The following ARHGAP6 variants were observed in gnomAD, a reference collection of about 807,000 sequenced individuals.
ARHGAP6 encodes the protein Rho GTPase activating protein 6, also known as rho GTPase-activating protein 6.
A neutral mutation model predicts 55.7 loss-of-function variants in ARHGAP6; 16 were observed. That is an observed-to-expected ratio of 0.29 (90% confidence interval 0.19 to 0.44). The LOEUF (loss-of-function observed/expected upper bound fraction) is 0.44. Ranked by LOEUF, ARHGAP6 falls within the 20% of genes least tolerant of loss-of-function variation. ARHGAP6 has a pLI of 1.00. For missense variants in ARHGAP6, 698 were observed against 808.9 expected (o/e 0.86, Z 1.66); for synonymous variants, 382 against 360.9 (o/e 1.06, Z -0.66).
chrX:11,664,589 C>G lies in ARHGAP6; in HGVS notation c.240G>C (p.Ala80=). 8.5e-7 allele frequency: 1 copy of G among 1,178,281 alleles called. No homozygotes were observed. ...LPAESLGPRL[A]SSSRGPPPRA... Reference sequence around the variant, plus strand: ...TGGGGGGCGGACCCCGGGAAGAGGACGCCAAGCGAGGGCCGAGACTCTCGG... The same window carrying G: ...TGGGGGGCGGACCCCGGGAAGAGGAGGCCAAGCGAGGGCCGAGACTCTCGG... Residue 80 remains alanine, a synonymous_variant, in exon 1 of 13, where the codon GCG becomes GCC. Transcript: ENST00000337414.
At chrX:11,470,930 T>A (rs2050341239) in intron 1 of ARHGAP6, among the ~76,000 whole-genome samples, 1 of 112,096 alleles carries the variant, frequency 8.9e-6, no homozygotes, top group Admixed American at 9.5e-5. Context: ...AACAGCAATG[T>A]GGCTTTACTT....
chrX:11,557,165 C>G (rs1171501963), intron 1 of ARHGAP6, among the ~76,000 whole-genome samples: 1 of 112,083 alleles, frequency 8.9e-6, no homozygotes, highest in Non-Finnish European at 1.9e-5. Flanking sequence ...GAAGGTAATA[C>G]CTGGTATTCA....
chrX:11,458,387 C>T lies in ARHGAP6; in HGVS notation c.589-203680G>A, dbSNP rs960219791. Among the ~76,000 whole-genome samples the T allele has an allele frequency of 2.7e-5, 3 of 112,275 alleles. No homozygotes were observed. The East Asian group carries it at 8.4e-4, about 31-fold the overall frequency. ...TTGGCTTGGCATAAGCCAGTGGATC[C>T]AAAATCCAGTGCATGTAAACACACA... On this transcript the variant is annotated intron_variant, in intron 1 of 12. Coordinates refer to ENST00000337414, the MANE Select transcript of ARHGAP6 (RefSeq NM_013427.3).
At chrX:11,240,346 T>C (rs2047258626) in intron 2 of ARHGAP6, among the ~76,000 whole-genome samples, 1 of 111,657 alleles carries the variant, frequency 9.0e-6, no homozygotes, top group African/African-American at 3.3e-5. Flanking sequence ...AAAAGAGGAA[T>C]AGTAATCTAG....
intron 1 of ARHGAP6, among the ~76,000 whole-genome samples, chrX:11,613,136 C>T (rs1206573435): frequency 8.9e-6 from 1 of 112,056 alleles, no homozygotes; most frequent in Non-Finnish European, 1.9e-5. Flanking sequence ...AAGGTTGGCC[C>T]ATAGCAGCCA....
rs576288478 is a variant in ARHGAP6, at chrX:11,163,134, T to C, written c.1809+6371A>G. Among the ~76,000 whole-genome samples the C allele has an allele frequency of 1.4e-4, 16 of 112,146 alleles. No homozygotes were observed. In the South Asian group the frequency reaches 5.5e-3, roughly 39 times the overall value. ...TCTAAGGGTACCATTTATGGTCTTGTTTATCTGGAGACTCAACTCCTTAGA... is the reference window on the plus strand; with the variant it reads ...TCTAAGGGTACCATTTATGGTCTTGCTTATCTGGAGACTCAACTCCTTAGA... On this transcript the variant is annotated intron_variant, in intron 9 of 12. Transcript: ENST00000337414.
rs1187605203 is a variant in ARHGAP6 at position 11,454,110 on chromosome X, ATTTTTTTTT to A, written c.589-199412_589-199404del. Among the ~76,000 whole-genome samples the A allele has an allele frequency of 3.0e-3, 232 of 76,826 alleles. No individual in the cohort carries two copies. The East Asian group carries it at 0.048, about 16-fold the overall frequency. 66.7% of individuals were successfully genotyped at this position (76,826 alleles called of 115,157 possible). ...AGGCTCCTGCCACCACGCACGGCTA[ATTTTTTTTT>A]TTTTTTTTTTTTTTGTATTTTTAGT... On this transcript the variant is annotated intron_variant, in intron 1 of 12. Transcript: ENST00000337414.
At chrX:11,148,508 T>C (rs2045728612) in intron 10 of ARHGAP6, 1 of 229,679 alleles carries the variant, frequency 4.4e-6, no homozygotes, top group Admixed American at 5.0e-5. Flanking sequence ...TTTGCCTCCA[T>C]GCATGGAGGG....
At chrX:11,153,954 T>C (rs1006393235) in intron 10 of ARHGAP6, among the ~76,000 whole-genome samples, 1 of 110,309 alleles carries the variant, frequency 9.1e-6, no homozygotes, top group African/African-American at 3.3e-5. Flanking sequence ...CTAATGCTAT[T>C]CCTCCCCCCT....
intron 1 of ARHGAP6, among the ~76,000 whole-genome samples, chrX:11,369,876 C>T (rs1009341037): frequency 4.5e-5 from 5 of 112,173 alleles, no homozygotes; most frequent in African/African-American, 1.6e-4. Context: ...TTGGATAGTG[C>T]CTTAAAAATG....
At chrX:11,491,842 T>C (rs1306616486) in intron 1 of ARHGAP6, among the ~76,000 whole-genome samples, 2 of 108,993 alleles carry the variant, frequency 1.8e-5, no homozygotes, top group Non-Finnish European at 3.8e-5. Context: ...AGTGTAAAAG[T>C]GTTCCTATTT....
At chrX:11,203,908 C>G (rs1179140198) in intron 2 of ARHGAP6, among the ~76,000 whole-genome samples, 1 of 111,781 alleles carries the variant, frequency 8.9e-6, no homozygotes, top group Non-Finnish European at 1.9e-5. Context: ...ACCACCCTAC[C>G]TTCCTTCTGT....
chrX:11,579,723 T>C (rs1198541930), intron 1 of ARHGAP6, among the ~76,000 whole-genome samples: 2 of 112,377 alleles, frequency 1.8e-5, no homozygotes, highest in African/African-American at 6.5e-5. Context: ...TGAATTATTA[T>C]GATTCTTTAT....
rs763558959 is a variant in ARHGAP6 at position 11,554,558 on chromosome X, C to G, written c.588+109683G>C. ...ATGTAACAAAATATGACATGTACCT[C>G]CTAAATATGAACAAATATTATGTGT... On this transcript the variant is annotated intron_variant, in intron 1 of 12. Coordinates refer to ENST00000337414, the MANE Select transcript of ARHGAP6 (RefSeq NM_013427.3). Among the ~76,000 whole-genome samples, 7 of 111,842 alleles carry G rather than the reference C, an allele frequency of 6.3e-5. No individual in the cohort carries two copies. The South Asian group carries it at 2.6e-3, about 42-fold the overall frequency.
intron 1 of ARHGAP6, among the ~76,000 whole-genome samples, chrX:11,284,417 T>C (rs1006534229): frequency 8.9e-6 from 1 of 111,857 alleles, no homozygotes. Flanking sequence ...CTAATATCCA[T>C]GATAGGACCT....
At chrX:11,600,040 C>G (rs1012971251) in intron 1 of ARHGAP6, among the ~76,000 whole-genome samples, 13 of 111,513 alleles carry the variant, frequency 1.2e-4, no homozygotes, top group Non-Finnish European at 1.1e-4. Context: ...ACATAATACC[C>G]TATGTTCTAG....
At chrX:11,608,423 C>T (rs1390412147) in intron 1 of ARHGAP6, among the ~76,000 whole-genome samples, 3 of 111,441 alleles carry the variant, frequency 2.7e-5, no homozygotes, top group Non-Finnish European at 1.9e-5. Context: ...AATCTGTCAC[C>T]ACCATCATCA....
intron 1 of ARHGAP6, among the ~76,000 whole-genome samples, chrX:11,522,406 A>C (rs1166011595): frequency 9.0e-6 from 1 of 111,685 alleles, no homozygotes; most frequent in Non-Finnish European, 1.9e-5. Flanking sequence ...TGAAGGAGAT[A>C]GAGACACAAA....
intron 1 of ARHGAP6, among the ~76,000 whole-genome samples, chrX:11,522,467 A>C (rs1326798113): frequency 9.0e-6 from 1 of 111,471 alleles, no homozygotes; most frequent in African/African-American, 3.3e-5. Context: ...TGAAAAGATC[A>C]ACAAAATCGA....
Sources: allele counts gnomAD v4.1 joint callset (sites outside exome capture counted in the v4.1 genomes callset), GRCh38; gene constraint gnomAD v4.1.1; transcripts MANE v1.5; gene names NCBI Gene and HGNC (gene_info 2026-07-23, HGNC 2026-07-21).